Variants in DSCAML1 observed in about 807,000 individuals in gnomAD.
DSCAML1 encodes cell adhesion molecule DSCAML1.
Under a neutral mutation model 200.5 loss-of-function variants are expected in DSCAML1, and 38 were observed. That is an observed-to-expected ratio of 0.19 (90% CI 0.15 to 0.25). The LOEUF is 0.25. Ranked by LOEUF, DSCAML1 falls within the 10% of genes least tolerant of loss-of-function variation. DSCAML1 has a pLI of 1.00. For synonymous variants in DSCAML1, 1,215 were observed against 1,165.0 expected, an observed-to-expected ratio of 1.04 and a Z score of -0.87; for missense variants, 2,223 against 2,858.8, an observed-to-expected ratio of 0.78 and a Z score of 5.07.
At chr11:117,561,450 G>T (rs76306798) in intron 3 of DSCAML1, among the ~76,000 whole-genome samples, 2 of 152,150 alleles carry the variant, frequency 1.3e-5, no homozygotes, top group Non-Finnish European at 2.9e-5. Flanking sequence ...AGCTCTGTGC[G>T]GCTATGGGGA....
chr11:117,458,961 C>T, intron 18 of DSCAML1, 52 bp from the exon 19 acceptor site: 1 of 1,587,208 alleles, frequency 6.3e-7, no homozygotes, highest in Non-Finnish European at 8.6e-7. Context: ...GCTGTGGCCC[C>T]TGCTGCTACC....
At chr11:117,475,653 G>T (rs2048775752) in intron 14 of DSCAML1, among the ~76,000 whole-genome samples, 1 of 152,206 alleles carries the variant, frequency 6.6e-6, no homozygotes, top group African/African-American at 2.4e-5. Context: ...CAGAGCCACT[G>T]TTTTTCCCCT....
intron 3 of DSCAML1, among the ~76,000 whole-genome samples, chr11:117,577,298 A>C (rs12799825): frequency 0.86 from 130,677 of 152,182 alleles, 56,353 homozygotes; most frequent in Middle Eastern, 0.91. Flanking sequence ...TCAACACAAC[A>C]TGGGCATCTA....
At chr11:117,680,813 G>A (rs1485313225) in intron 3 of DSCAML1, among the ~76,000 whole-genome samples, 3 of 152,186 alleles carry the variant, frequency 2.0e-5, no homozygotes, top group Non-Finnish European at 4.4e-5. Flanking sequence ...GGCAGGGTCC[G>A]TTCCCCTCCC....
chr11:117,721,759 C>G (rs1004239566), intron 3 of DSCAML1, among the ~76,000 whole-genome samples: 1 of 144,888 alleles, frequency 6.9e-6, no homozygotes, highest in African/African-American at 2.5e-5. Flanking sequence ...ATAAATACAT[C>G]ATATAGAAAA....
chr11:117,564,914 T>TGCCA (rs1436932824), intron 3 of DSCAML1, among the ~76,000 whole-genome samples: 3 of 152,196 alleles, frequency 2.0e-5, no homozygotes, highest in Non-Finnish European at 2.9e-5. Flanking sequence ...TATAGGTGTC[T>TGCCA]GCCACCATAC....
chr11:117,459,416 C>T (rs1306394207), intron 18 of DSCAML1, among the ~76,000 whole-genome samples: 1 of 152,220 alleles, frequency 6.6e-6, no homozygotes, highest in East Asian at 1.9e-4. Context: ...AGGCTGCCTC[C>T]CCTGCCTCTG....
chr11:117,746,622 G>T (rs1017695347), intron 3 of DSCAML1, among the ~76,000 whole-genome samples: 4 of 152,180 alleles, frequency 2.6e-5, no homozygotes, highest in Non-Finnish European at 4.4e-5. Context: ...CTCCTCCTCA[G>T]ACCCCTAGCA....
intron 20 of DSCAML1, among the ~76,000 whole-genome samples, chr11:117,447,457 T>TA (rs2048203143): frequency 6.6e-6 from 1 of 152,242 alleles, no homozygotes; most frequent in South Asian, 2.1e-4. Flanking sequence ...ACTGGAAGAC[T>TA]ATATACCAGT....
chr11:117,780,299 A>AGAAG lies in DSCAML1; in HGVS notation c.364+193_364+194insCTTC, dbSNP rs2055227266. Among the ~76,000 whole-genome samples the AGAAG allele has an allele frequency of 8.8e-6, 1 of 113,314 alleles. No homozygotes were observed. The allele number at this position is 113,314 out of a possible 152,430, so 74.3% of individuals were successfully genotyped here. ...AAGAAAGAAAGAAAGAAAGAAAGAA[A>AGAAG]GAAAGAGAGAAAGGAGAAAGAAAGG... On this transcript the variant is annotated intron_variant, in intron 2 of 32. Coordinates refer to ENST00000651296, the MANE Select transcript of DSCAML1 (RefSeq NM_020693.4). The surrounding 1 kb of genome is among the most constrained non-coding windows in gnomAD (Gnocchi z 4.8).
intron 3 of DSCAML1, among the ~76,000 whole-genome samples, chr11:117,609,537 G>A (rs2051645851): frequency 6.6e-6 from 1 of 152,022 alleles, no homozygotes; most frequent in Admixed American, 6.5e-5. Context: ...AAGCTCCTGG[G>A]CTCAAGCAAT....
intron 3 of DSCAML1, among the ~76,000 whole-genome samples, chr11:117,737,305 C>T (rs1414350180): frequency 2.0e-5 from 3 of 152,290 alleles, no homozygotes; most frequent in East Asian, 3.9e-4. Context: ...GATTTAAAGT[C>T]TGAGTGTTGT....
At chr11:117,733,921 A>C (rs1207490352) in intron 3 of DSCAML1, among the ~76,000 whole-genome samples, 1 of 149,190 alleles carries the variant, frequency 6.7e-6, no homozygotes, top group African/African-American at 2.5e-5. Flanking sequence ...CTGGGCCTCC[A>C]ATCTCAGGGA....
In DSCAML1 at chr11:117,444,042, G is replaced by A; in HGVS notation, c.3709-3C>T. The A allele has an allele frequency of 6.2e-7, 1 of 1,610,176 alleles. No homozygotes were observed. Among genetic ancestry groups the A allele is most frequent in the African/African-American group, 1.3e-5 (1 of 74,970 alleles). ...CTCGTCTCGTACTCGCTGGGAGCCTGCGGGGCAGAGGCAAAGAGGCTCTAA... is the reference window on the plus strand; with the variant it reads ...CTCGTCTCGTACTCGCTGGGAGCCTACGGGGCAGAGGCAAAGAGGCTCTAA... On this transcript the variant is annotated splice_polypyrimidine_tract_variant and splice_region_variant and intron_variant, in intron 20 of 32. Transcript: ENST00000651296.
chr11:117,610,619 T>C (rs1257328096), intron 3 of DSCAML1, among the ~76,000 whole-genome samples: 1 of 151,882 alleles, frequency 6.6e-6, no homozygotes, highest in African/African-American at 2.4e-5. Context: ...CACCCTGCAC[T>C]TTTATCCCTT....
intron 11 of DSCAML1, among the ~76,000 whole-genome samples, chr11:117,502,767 C>T (rs2049420542): frequency 6.6e-6 from 1 of 152,156 alleles, no homozygotes; most frequent in Non-Finnish European, 1.5e-5. Flanking sequence ...TGGCCACTTA[C>T]CATACCGGTT....
intron 3 of DSCAML1, among the ~76,000 whole-genome samples, chr11:117,709,037 G>A (rs751988247): frequency 3.3e-5 from 5 of 152,220 alleles, no homozygotes; most frequent in Non-Finnish European, 7.3e-5. Context: ...TCTGTGAAGT[G>A]GGGATATCGA....
At chr11:117,561,329 G>A (rs182231068) in intron 3 of DSCAML1, among the ~76,000 whole-genome samples, 1 of 152,336 alleles carries the variant, frequency 6.6e-6, no homozygotes, top group East Asian at 1.9e-4. Flanking sequence ...CGCACAAGCT[G>A]CTTCCTGTCT....
chr11:117,678,158 C>A (rs963638088), intron 3 of DSCAML1, among the ~76,000 whole-genome samples: 3 of 152,128 alleles, frequency 2.0e-5, no homozygotes, highest in Non-Finnish European at 4.4e-5. Context: ...GTACAATGAC[C>A]CTTTCACCCT....
Sources: allele counts gnomAD v4.1 joint callset (sites outside exome capture counted in the v4.1 genomes callset), GRCh38; gene constraint gnomAD v4.1.1; non-coding constraint Gnocchi (gnomAD v3.1); transcripts MANE v1.5; gene names NCBI Gene and HGNC (gene_info 2026-07-23, HGNC 2026-07-21).